The following KPNA3 variants were observed in gnomAD, a reference collection of about 807,000 sequenced individuals.
KPNA3 encodes karyopherin subunit alpha 3, also known as importin subunit alpha-4.
Under a neutral mutation model 73.8 loss-of-function variants are expected in KPNA3, and 13 were observed. That is an observed-to-expected ratio of 0.18 (90% confidence interval 0.11 to 0.28). The LOEUF (loss-of-function observed/expected upper bound fraction) is 0.28. KPNA3 is among the 10% of genes least tolerant of loss of function. KPNA3 has a pLI of 1.00. For synonymous variants in KPNA3, 186 were observed against 206.9 expected (o/e 0.90, Z 0.87); for missense variants, 360 against 618.1 (o/e 0.58, Z 4.43).
chr13:49,705,901 T>C, intron 14 of KPNA3, 118 bp from the exon 15 acceptor site: 1 of 1,038,622 alleles, frequency 9.6e-7, no homozygotes, highest in African/African-American at 1.6e-5. Context: ...AGTTGGAGGC[T>C]GTAGTGCGTT....
At chr13:49,787,162 T>C (rs559364730) in intron 1 of KPNA3, among the ~76,000 whole-genome samples, 1 of 152,114 alleles carries the variant, frequency 6.6e-6, no homozygotes, top group East Asian at 1.9e-4. Context: ...GGTGAGAAAA[T>C]ATATATTAGC....
intron 2 of KPNA3, among the ~76,000 whole-genome samples, chr13:49,733,981 T>C (rs1266306268): frequency 6.6e-6 from 1 of 152,204 alleles, no homozygotes; most frequent in Non-Finnish European, 1.5e-5. Flanking sequence ...ACCCACAAAA[T>C]TGTTAGCTCA....
intron 1 of KPNA3, among the ~76,000 whole-genome samples, chr13:49,761,871 A>C (rs1954765580): frequency 6.7e-6 from 1 of 148,218 alleles, no homozygotes; most frequent in Non-Finnish European, 1.5e-5. Flanking sequence ...GGATGTGAGG[A>C]GCGCCTCTGC....
At chr13:49,727,415 T>C (rs1954419585) in intron 6 of KPNA3, among the ~76,000 whole-genome samples, 1 of 135,944 alleles carries the variant, frequency 7.4e-6, no homozygotes, top group Non-Finnish European at 1.5e-5. Context: ...ACCACTGCAC[T>C]CCAGCCTGGG....
chr13:49,715,984 G>A (rs1954300964), intron 10 of KPNA3, among the ~76,000 whole-genome samples: 1 of 149,434 alleles, frequency 6.7e-6, no homozygotes, highest in Non-Finnish European at 1.5e-5. Context: ...CCATTACATG[G>A]TCACTACTAT....
intron 1 of KPNA3, among the ~76,000 whole-genome samples, chr13:49,771,582 C>T (rs1419616984): frequency 6.6e-6 from 1 of 152,164 alleles, no homozygotes; most frequent in Non-Finnish European, 1.5e-5. Context: ...ACCCAAGTAG[C>T]TGGGACTACA....
intron 10 of KPNA3, among the ~76,000 whole-genome samples, chr13:49,717,828 T>A (rs1164280605): frequency 6.6e-6 from 1 of 152,250 alleles, no homozygotes; most frequent in Non-Finnish European, 1.5e-5. Flanking sequence ...CACTTCTGTC[T>A]CCTTATAATG....
chr13:49,755,933 T>A (rs1954707402), intron 1 of KPNA3, among the ~76,000 whole-genome samples: 1 of 152,170 alleles, frequency 6.6e-6, no homozygotes, highest in Admixed American at 6.5e-5. Context: ...TCAATTATAT[T>A]TCTATATACT....
chr13:49,729,023 C>T (rs1035662303), intron 6 of KPNA3, among the ~76,000 whole-genome samples: 10 of 152,098 alleles, frequency 6.6e-5, no homozygotes, highest in African/African-American at 2.2e-4. Flanking sequence ...GGTTAAATTC[C>T]CAGGACCCTC....
At chr13:49,708,541 T>C (rs1722850438) in intron 12 of KPNA3, among the ~76,000 whole-genome samples, 1 of 152,124 alleles carries the variant, frequency 6.6e-6, no homozygotes, top group South Asian at 2.1e-4. Flanking sequence ...TCCAAAGAAA[T>C]TGAAAGCGGG....
intron 1 of KPNA3, among the ~76,000 whole-genome samples, chr13:49,774,667 T>C (rs1244637584): frequency 6.6e-6 from 1 of 152,200 alleles, no homozygotes; most frequent in Non-Finnish European, 1.5e-5. Context: ...GGTTAAATTA[T>C]ATTTAAAGTT....
At chr13:49,724,390 G>A (rs1369283944) in intron 7 of KPNA3, among the ~76,000 whole-genome samples, 6 of 151,098 alleles carry the variant, frequency 4.0e-5, no homozygotes, top group East Asian at 1.9e-4. Flanking sequence ...TGCAAGCTCC[G>A]CCTCCCGGGT....
At chr13:49,707,527 A>C (rs1417371220) in intron 12 of KPNA3, among the ~76,000 whole-genome samples, 1 of 152,130 alleles carries the variant, frequency 6.6e-6, no homozygotes, top group East Asian at 1.9e-4. Context: ...TTTTGAAGTA[A>C]CTAATTGCTT....
At chr13:49,770,032 C>A (rs576299024) in intron 1 of KPNA3, among the ~76,000 whole-genome samples, 1 of 152,234 alleles carries the variant, frequency 6.6e-6, no homozygotes, top group African/African-American at 2.4e-5. Context: ...TTGTATGCCT[C>A]CTTCAGGGAA....
chr13:49,782,928 G>A (rs982238934), intron 1 of KPNA3, among the ~76,000 whole-genome samples: 1 of 151,680 alleles, frequency 6.6e-6, no homozygotes, highest in African/African-American at 2.4e-5. Flanking sequence ...AATATGTAAA[G>A]CATCAAATAA....
chr13:49,785,457 A>C (rs947500369), intron 1 of KPNA3, among the ~76,000 whole-genome samples: 2 of 152,234 alleles, frequency 1.3e-5, no homozygotes, highest in Non-Finnish European at 2.9e-5. Flanking sequence ...AAGAAAAAAC[A>C]AAGGCAGAAC....
In KPNA3 at chr13:49,746,987, G is replaced by A. The variant is rs2137569356; in HGVS notation, c.76C>T (p.Arg26Ter). Residue 26 changes from arginine (R) to a stop codon, truncating the protein, a stop_gained, in exon 2 of 17, where the codon CGA becomes TGA. Transcript: ENST00000261667. LOFTEE classifies it high-confidence loss of function. ...KNKGRDVETM[R>*]RHRNEVTVEL... ...ACTGTCACTTCATTTCTATGTCTTC[G>A]CATTGTCTAGAAAAGAAAAACAAAG... 6.2e-7 allele frequency: 1 copy of A among 1,605,884 alleles called. No individual in the cohort carries two copies.
chr13:49,760,395 A>T (rs1954749029), intron 1 of KPNA3, among the ~76,000 whole-genome samples: 2 of 149,600 alleles, frequency 1.3e-5, no homozygotes, highest in South Asian at 4.4e-4. Context: ...AGCCTGGGTG[A>T]CAGAGTGAGA....
chr13:49,713,072 G>A (rs35526541), intron 10 of KPNA3, among the ~76,000 whole-genome samples: 31,436 of 151,716 alleles, frequency 0.21, 3,598 homozygotes, highest in Middle Eastern at 0.27. Context: ...ATTTGGAAAG[G>A]CTAAAAATAA....
Sources: gnomAD v4.1 joint callset for allele counts (sites outside exome capture counted in the v4.1 genomes callset) on GRCh38, gnomAD v4.1.1 for gene constraint, MANE v1.5 for transcripts, NCBI Gene and HGNC (gene_info 2026-07-23, HGNC 2026-07-21) for gene names.